GABRB2: variants seen among roughly 807,000 people sequenced by gnomAD.
GABRB2 encodes the protein gamma-aminobutyric acid type A receptor subunit beta2, also known as gamma-aminobutyric acid receptor subunit beta-2.
A neutral mutation model predicts 54.7 loss-of-function variants in GABRB2; 16 were observed. The observed-to-expected ratio is 0.29, with a 90% CI of 0.20 to 0.44. The LOEUF is 0.44. Ranked by LOEUF, GABRB2 falls within the 20% of genes least tolerant of loss-of-function variation. GABRB2 has a pLI of 1.00. For missense variants in GABRB2, 355 were observed against 644.0 expected, an observed-to-expected ratio of 0.55 and a Z score of 4.86; for synonymous variants, 244 against 233.8, an observed-to-expected ratio of 1.04 and a Z score of -0.40.
At chr5:161,396,639 T>C (rs553798586) in intron 5 of GABRB2, among the ~76,000 whole-genome samples, 1 of 152,316 alleles carries the variant, frequency 6.6e-6, no homozygotes, top group African/African-American at 2.4e-5. Flanking sequence ...TGTACTGTTC[T>C]TATTAAATAA....
At chr5:161,355,015 T>C (rs2113441463) in intron 5 of GABRB2, among the ~76,000 whole-genome samples, 1 of 152,124 alleles carries the variant, frequency 6.6e-6, no homozygotes, top group East Asian at 1.9e-4. Flanking sequence ...CATGAAGATC[T>C]CTACATGGAT....
chr5:161,304,391 A>T (rs1757620774), intron 9 of GABRB2, among the ~76,000 whole-genome samples: 1 of 152,246 alleles, frequency 6.6e-6, no homozygotes, highest in South Asian at 2.1e-4. Flanking sequence ...AAGGTTAAGA[A>T]AAATTTGCCT....
chr5:161,451,592 A>C (rs1360812576), intron 4 of GABRB2, among the ~76,000 whole-genome samples: 1 of 152,194 alleles, frequency 6.6e-6, no homozygotes, highest in Non-Finnish European at 1.5e-5. Flanking sequence ...ATAGTCCTGC[A>C]TTTGATAGCC....
chr5:161,331,752 CTTAAAA>C (rs1295736419), intron 7 of GABRB2, among the ~76,000 whole-genome samples: 2 of 151,912 alleles, frequency 1.3e-5, no homozygotes, highest in Admixed American at 6.6e-5. Context: ...GGAGTTTGAA[CTTAAAA>C]TTAAAGGCAA....
intron 4 of GABRB2, among the ~76,000 whole-genome samples, chr5:161,422,125 A>G (rs191021099): frequency 1.6e-3 from 247 of 152,234 alleles, no homozygotes; most frequent in Non-Finnish European, 2.8e-3. Context: ...ATTTATCAAA[A>G]TCCACCAAAT....
chr5:161,490,406 AT>A (rs1759063357), intron 3 of GABRB2, among the ~76,000 whole-genome samples: 1 of 151,680 alleles, frequency 6.6e-6, no homozygotes, highest in Admixed American at 6.6e-5. Context: ...TTTACAGTTT[AT>A]CACCAATGTG....
intron 5 of GABRB2, among the ~76,000 whole-genome samples, chr5:161,392,362 A>G (rs573328240): frequency 1.2e-3 from 186 of 152,328 alleles, no homozygotes; most frequent in African/African-American, 4.3e-3. Flanking sequence ...GAATAATAAT[A>G]TTTTGAGCTA....
intron 3 of GABRB2, among the ~76,000 whole-genome samples, chr5:161,496,794 G>A (rs1759261984): frequency 6.6e-6 from 1 of 152,016 alleles, no homozygotes; most frequent in African/African-American, 2.4e-5. Flanking sequence ...ATTTTTCTTT[G>A]TAACATTTTT....
At chr5:161,342,675 T>G (rs972176025) in intron 5 of GABRB2, among the ~76,000 whole-genome samples, 1 of 152,066 alleles carries the variant, frequency 6.6e-6, no homozygotes, top group African/African-American at 2.4e-5. Context: ...TTCACACATT[T>G]TAGGGAAGCC....
intron 5 of GABRB2, among the ~76,000 whole-genome samples, chr5:161,340,356 G>C (rs1034081884): frequency 6.6e-5 from 10 of 151,878 alleles, no homozygotes; most frequent in African/African-American, 2.4e-4. Flanking sequence ...TGTGACTTTG[G>C]GCTGGTGTTG....
Position 161,294,282 on chromosome 5 carries a change from C to T in GABRB2, c.1338G>A (p.Leu446=), listed in dbSNP as rs1757319355. The change falls in exon 10 of 10, where the codon TTG becomes TTA. Residue 446 remains leucine (L), a synonymous_variant. Transcript: ENST00000393959. ...CATTTCGGCCAAAACTATGCCTGGG[C>T]AACCCAGCTTTCCGATACTGGATGC... ...ASSIQYRKAG[L]PRHSFGRNAL... 6.2e-7 allele frequency: 1 copy of T among 1,614,136 alleles called. No homozygotes were observed. Among genetic ancestry groups the T allele is most frequent in the Non-Finnish European group, 8.5e-7 (1 of 1,180,008 alleles).
chr5:161,346,109 G>A (rs1334784323), intron 5 of GABRB2, among the ~76,000 whole-genome samples: 1 of 152,094 alleles, frequency 6.6e-6, no homozygotes, highest in South Asian at 2.1e-4. Flanking sequence ...GCCAGTACCT[G>A]TTTATAAAAG....
chr5:161,288,692 T>C lies in GABRB2; in HGVS notation c.*5389A>G, dbSNP rs1405550315. The C allele has an allele frequency of 6.6e-6, 1 of 152,618 alleles. No individual in the cohort carries two copies. The highest frequency in any genetic ancestry group is 1.9e-4 in the East Asian group (1 of 5,204). 9.5% of individuals were successfully genotyped at this position (152,618 alleles called of 1,614,324 possible). A position where few individuals can be genotyped will look rare whatever the true frequency, so the allele number is the denominator to read the frequency against. On this transcript the variant is annotated 3_prime_UTR_variant, in exon 10 of 10. Transcript: ENST00000393959. ...TTTTCTAGCCATCGGAAAATGTGCA[T>C]TATGTGCATATTAAGAAAGGCTACA...
At chr5:161,348,323 A>G (rs1754378059) in intron 5 of GABRB2, among the ~76,000 whole-genome samples, 1 of 152,052 alleles carries the variant, frequency 6.6e-6, no homozygotes. Context: ...GAATAACTAT[A>G]TTTTCTAAAA....
intron 3 of GABRB2, among the ~76,000 whole-genome samples, chr5:161,469,991 C>T (rs1322105461): frequency 6.6e-6 from 1 of 151,902 alleles, no homozygotes; most frequent in Non-Finnish European, 1.5e-5. Context: ...CTACACTTAC[C>T]TTCAACGAAT....
intron 8 of GABRB2, chr5:161,326,945 A>G (rs562096498): frequency 2.1e-6 from 2 of 964,994 alleles, no homozygotes; most frequent in African/African-American, 3.5e-5. Context: ...TAAACAAGGA[A>G]ACAATATAAA....
chr5:161,371,961 C>G (rs1016340612), intron 5 of GABRB2, among the ~76,000 whole-genome samples: 2 of 152,074 alleles, frequency 1.3e-5, no homozygotes, highest in South Asian at 4.1e-4. Flanking sequence ...AACTCCTGGG[C>G]TCAAGTAATC....
chr5:161,519,538 G>A (rs1401372957), intron 3 of GABRB2, among the ~76,000 whole-genome samples: 1 of 152,036 alleles, frequency 6.6e-6, no homozygotes, highest in African/African-American at 2.4e-5. Context: ...CCTCTAGGAT[G>A]TAACAGTTAT....
rs1158170487 is a variant in GABRB2, at chr5:161,288,495, T to C, written c.*5586A>G. 3 of 152,664 alleles carry C rather than the reference T, an allele frequency of 2.0e-5. No individual in the cohort carries two copies. In the East Asian group the frequency reaches 5.8e-4, roughly 29 times the overall value. The allele number at this position is 152,664 out of a possible 1,614,324, so 9.5% of individuals were successfully genotyped here. ...TTACACACTAGCCAACATTATTATATATTTACATGCTGAAACTGGCTGCAA... is the reference window on the plus strand; with the variant it reads ...TTACACACTAGCCAACATTATTATACATTTACATGCTGAAACTGGCTGCAA... On this transcript the variant is annotated 3_prime_UTR_variant, in exon 10 of 10. Coordinates refer to ENST00000393959, the MANE Select transcript of GABRB2 (RefSeq NM_001371727.1).
Sources: allele counts gnomAD v4.1 joint callset (sites outside exome capture counted in the v4.1 genomes callset), GRCh38; gene constraint gnomAD v4.1.1; transcripts MANE v1.5; gene names NCBI Gene and HGNC (gene_info 2026-07-23, HGNC 2026-07-21).